RAD51AP2: variants seen among roughly 807,000 people sequenced by gnomAD.
RAD51AP2 encodes RAD51 associated protein 2.
RAD51AP2 carries 67 observed loss-of-function variants against 85.5 expected under a neutral mutation model. The ratio of observed to expected loss-of-function variants is 0.78; its 90% CI spans 0.64 to 0.96. The LOEUF (loss-of-function observed/expected upper bound fraction) is 0.96. Ranked by LOEUF, RAD51AP2 falls within the 40% of genes least tolerant of loss-of-function variation. RAD51AP2 has a pLI of 0.00. For missense variants in RAD51AP2, 1,307 were observed against 1,332.4 expected (o/e 0.98, Z 0.30); for synonymous variants, 474 against 446.5 (o/e 1.06, Z -0.78).
At position 17,517,581 on chromosome 2, in the gene RAD51AP2, C is replaced by T; in HGVS notation, c.835G>A (p.Ala279Thr). The T allele has an allele frequency of 6.2e-7, 1 of 1,613,746 alleles. No individual in the cohort carries two copies. Among genetic ancestry groups the T allele is most frequent in the South Asian group, 1.1e-5 (1 of 90,918 alleles). Residue 279 changes from alanine (A) to threonine (T), a missense_variant, in exon 1 of 3, where the codon GCG (alanine) becomes ACG (threonine). Coordinates refer to ENST00000399080, the MANE Select transcript of RAD51AP2 (RefSeq NM_001099218.3). ...KMSSVYLKEIAKKKNDKKEAY... is the reference protein window; with the variant it reads ...KMSSVYLKEITKKKNDKKEAY... ...TCTTTTTTGTCATTCTTTTTCTTCGCTATTTCCTTTAAATAGACAGAGGAC... is the reference window on the plus strand; with the variant it reads ...TCTTTTTTGTCATTCTTTTTCTTCGTTATTTCCTTTAAATAGACAGAGGAC...
chr2:17,515,018 AAAG>A (rs1662608782), intron 1 of RAD51AP2, 148 bp downstream of exon 1: 3 of 647,190 alleles, frequency 4.6e-6, no homozygotes, highest in South Asian at 2.8e-5. Flanking sequence ...AAAAAAAAAA[AAAG>A]AAAGAAAATA....
chr2:17,525,141 C>T, the RAD51AP2 span, among the ~76,000 whole-genome samples: 1 of 151,812 alleles, frequency 6.6e-6, no homozygotes, highest in South Asian at 2.1e-4. Context: ...GCAACAAGGG[C>T]CTGGAAGACA....
chr2:17,523,709 G>C, the RAD51AP2 span, among the ~76,000 whole-genome samples: 1 of 151,846 alleles, frequency 6.6e-6, no homozygotes, highest in Non-Finnish European at 1.5e-5. Context: ...TGAGTGGAAA[G>C]TCCAAAACTT....
chr2:17,515,878 ATTTG>A lies in RAD51AP2; in HGVS notation c.2534_2537del (p.Thr845IlefsTer11), dbSNP rs1234288800. On this transcript the variant is annotated frameshift_variant, in exon 1 of 3. Transcript: ENST00000399080. LOFTEE classifies it high-confidence loss of function. ...TAGTATCTTTGTGAACTTGGCAACT[ATTTG>A]TTAAACTTTCAGCTGTGACTTTTAC... is the stretch of plus-strand genomic sequence containing the variant. 1 of 1,606,238 alleles carries A rather than the reference ATTTG, an allele frequency of 6.2e-7. No homozygotes were observed.
the RAD51AP2 span, among the ~76,000 whole-genome samples, chr2:17,526,700 G>T: frequency 6.6e-6 from 1 of 152,040 alleles, no homozygotes; most frequent in East Asian, 1.9e-4. Context: ...TTGAGAAATA[G>T]AAGACAAGAA....
upstream of RAD51AP2, among the ~76,000 whole-genome samples, chr2:17,521,457 A>T (rs1465899830): frequency 6.6e-6 from 1 of 152,066 alleles, no homozygotes; most frequent in Non-Finnish European, 1.5e-5. Context: ...GCTAAATCTA[A>T]AAGTTTGTTT....
the RAD51AP2 span, among the ~76,000 whole-genome samples, chr2:17,537,700 A>G: frequency 6.6e-6 from 1 of 152,186 alleles, no homozygotes; most frequent in Non-Finnish European, 1.5e-5. Flanking sequence ...CTCCGTTTTC[A>G]ATTCGTCCAC....
chr2:17,535,935 C>CAAAA, the RAD51AP2 span, among the ~76,000 whole-genome samples: 1,079 of 57,188 alleles, frequency 0.019, 5 homozygotes, highest in Non-Finnish European at 0.026. Flanking sequence ...GTAAGAACAC[C>CAAAA]AAAAAAAAAA....
At chr2:17,534,925 C>A in the RAD51AP2 span, among the ~76,000 whole-genome samples, 7 of 152,136 alleles carry the variant, frequency 4.6e-5, no homozygotes, top group East Asian at 1.3e-3. Flanking sequence ...CAAAATGATT[C>A]GAGAGTTTTT....
At chr2:17,522,760 C>A (rs963775906), upstream of RAD51AP2, among the ~76,000 whole-genome samples, 3 of 151,778 alleles carry the variant, frequency 2.0e-5, no homozygotes, top group Admixed American at 1.3e-4. Context: ...GACAAAATGT[C>A]TTTTTTTAAT....
At chr2:17,521,356 C>T (rs1662851577), upstream of RAD51AP2, among the ~76,000 whole-genome samples, 3 of 152,060 alleles carry the variant, frequency 2.0e-5, no homozygotes, top group African/African-American at 7.2e-5. Flanking sequence ...GTTTTAGCAT[C>T]ATTTGTGTTT....
Position 17,517,657 on chromosome 2 carries a change from A to C in RAD51AP2, c.759T>G (p.Asp253Glu), listed in dbSNP as rs774761339. 37 of 1,613,840 alleles carry C rather than the reference A, an allele frequency of 2.3e-5. No individual in the cohort carries two copies. Among genetic ancestry groups the C allele is most frequent in the Non-Finnish European group, 3.1e-5 (37 of 1,179,982 alleles). The stretch of plus-strand genomic sequence containing the variant: ...ACTGAGGGACACTTATTGTGCCGCT[A>C]TCTCTAAAATAGCTAGGTTTGGCAA... Reference protein sequence around the residue: ...LEIAKPSYFRDSGTISVPQFP... With the variant: ...LEIAKPSYFRESGTISVPQFP... Residue 253 changes from aspartate to glutamate, a missense_variant, in exon 1 of 3, where the codon GAT (aspartate) becomes GAG (glutamate). Asp to Glu is a conservative substitution (Grantham distance 45). Coordinates refer to ENST00000399080, the MANE Select transcript of RAD51AP2 (RefSeq NM_001099218.3).
At chr2:17,514,488 G>A (rs115722023) in intron 1 of RAD51AP2, among the ~76,000 whole-genome samples, 16 of 151,826 alleles carry the variant, frequency 1.1e-4, no homozygotes, top group Admixed American at 9.8e-4. Flanking sequence ...AAGGCCTGGC[G>A]TGGTGGCTCA....
chr2:17,516,253 T>C lies in RAD51AP2; in HGVS notation c.2163A>G (p.Glu721=). 8 of 1,611,354 alleles carry C rather than the reference T, an allele frequency of 5.0e-6. No individual in the cohort carries two copies. Among genetic ancestry groups the C allele is most frequent in the Non-Finnish European group, 6.8e-6 (8 of 1,179,314 alleles). ...TACTAGAATTATAGTGAGCCCAATT[T>C]TCCACATTCACAACTTGTTGAGGAC... ...MSCPQQVVNV[E]NWAHYNSSTV... Residue 721 remains glutamate (E), a synonymous_variant, in exon 1 of 3, where the codon GAA becomes GAG. Transcript: ENST00000399080.
the RAD51AP2 span, among the ~76,000 whole-genome samples, chr2:17,536,521 C>A: frequency 6.6e-6 from 1 of 152,202 alleles, no homozygotes; most frequent in Non-Finnish European, 1.5e-5. Context: ...ATTCTTGAGG[C>A]TGCACACTAC....
chr2:17,529,967 C>T, the RAD51AP2 span, among the ~76,000 whole-genome samples: 1 of 152,134 alleles, frequency 6.6e-6, no homozygotes, highest in African/African-American at 2.4e-5. Flanking sequence ...TTCAGAGGAT[C>T]TTGCCCTGCT....
chr2:17,517,579 C>G lies in RAD51AP2; in HGVS notation c.837G>C (p.Ala279=), dbSNP rs753448399. Residue 279 remains alanine (A), a synonymous_variant, in exon 1 of 3, where the codon GCG becomes GCC. Coordinates refer to ENST00000399080, the MANE Select transcript of RAD51AP2 (RefSeq NM_001099218.3). ...CCTCTTTTTTGTCATTCTTTTTCTT[C>G]GCTATTTCCTTTAAATAGACAGAGG... ...KMSSVYLKEI[A]KKKNDKKEAY... The G allele has an allele frequency of 1.2e-6, 2 of 1,613,400 alleles. No individual in the cohort carries two copies. Among genetic ancestry groups the G allele is most frequent in the East Asian group, 4.5e-5 (2 of 44,862 alleles).
chr2:17,529,887 T>C, the RAD51AP2 span, among the ~76,000 whole-genome samples: 15 of 152,178 alleles, frequency 9.9e-5, no homozygotes, highest in African/African-American at 3.6e-4. Context: ...TGAGTGGAGC[T>C]CTAGGAACAC....
the RAD51AP2 span, among the ~76,000 whole-genome samples, chr2:17,529,366 A>G: frequency 1.3e-5 from 2 of 152,016 alleles, no homozygotes; most frequent in Admixed American, 6.6e-5. Context: ...GTATCATAGT[A>G]TGAATTATAA....
Sources: gnomAD v4.1 joint callset for allele counts (sites outside exome capture counted in the v4.1 genomes callset) on GRCh38, gnomAD v4.1.1 for gene constraint, MANE v1.5 for transcripts, NCBI Gene and HGNC (gene_info 2026-07-23, HGNC 2026-07-21) for gene names.